MME: variants seen among roughly 807,000 people sequenced by gnomAD.
MME encodes the protein membrane metalloendopeptidase, also known as neprilysin.
A neutral mutation model predicts 113.2 loss-of-function variants in MME; 98 were observed. The observed-to-expected ratio is 0.87, with a 90% confidence interval of 0.74 to 1.02. MME has a LOEUF of 1.02. Among genes scored for constraint, MME ranks in the 50% least tolerant of loss-of-function variants. The pLI is 0.00. For synonymous variants in MME, 292 were observed against 300.6 expected, an observed-to-expected ratio of 0.97 and a Z score of 0.30; for missense variants, 836 against 896.0, an observed-to-expected ratio of 0.93 and a Z score of 0.86.
upstream of MME, among the ~76,000 whole-genome samples, chr3:155,076,722 G>A (rs12638611): frequency 9.9e-5 from 15 of 152,278 alleles, no homozygotes; most frequent in East Asian, 2.1e-3. Flanking sequence ...GCCAAACAAG[G>A]GGTAGATTAT....
chr3:155,173,268 T>G (rs185158106), intron 22 of MME, among the ~76,000 whole-genome samples: 1 of 152,070 alleles, frequency 6.6e-6, no homozygotes, highest in African/African-American at 2.4e-5. Context: ...TGCTACCCCT[T>G]TCCCATGTAC....
At chr3:155,101,332 A>G (rs1290267849) in intron 3 of MME, among the ~76,000 whole-genome samples, 1 of 152,236 alleles carries the variant, frequency 6.6e-6, no homozygotes, top group Non-Finnish European at 1.5e-5. Flanking sequence ...CTATGGTAAT[A>G]AAGTGAAAAC....
At chr3:155,144,267 T>C in intron 13 of MME, 92 bp from the exon 14 acceptor site, 1 of 846,868 alleles carries the variant, frequency 1.2e-6, no homozygotes, top group Non-Finnish European at 2.0e-6. Context: ...ACATATTAAG[T>C]CATACAAAGA....
intron 1 of MME, among the ~76,000 whole-genome samples, chr3:155,049,808 G>A (rs956655665): frequency 6.6e-6 from 1 of 152,000 alleles, no homozygotes; most frequent in African/African-American, 2.4e-5. Context: ...GACAGAAATT[G>A]TTTTTACCTT....
intron 10 of MME, among the ~76,000 whole-genome samples, chr3:155,140,728 C>T (rs546449338): frequency 6.6e-6 from 1 of 152,000 alleles, no homozygotes; most frequent in Non-Finnish European, 1.5e-5. Flanking sequence ...TTTAAGGCAG[C>T]TATACAATAA....
intron 1 of MME, among the ~76,000 whole-genome samples, chr3:155,067,854 T>G (rs79892339): frequency 0.014 from 2,080 of 152,190 alleles, 49 homozygotes; most frequent in South Asian, 0.053. Flanking sequence ...TACAACCACT[T>G]TGGAAAATAG....
intron 20 of MME, among the ~76,000 whole-genome samples, chr3:155,171,430 G>A (rs564367222): frequency 3.3e-5 from 5 of 152,202 alleles, no homozygotes; most frequent in East Asian, 1.9e-4. Flanking sequence ...ATCTCAGAAC[G>A]TTTATTATGA....
At chr3:155,167,669 T>G (rs937663173) in intron 18 of MME, among the ~76,000 whole-genome samples, 1 of 152,154 alleles carries the variant, frequency 6.6e-6, no homozygotes, top group African/African-American at 2.4e-5. Context: ...TTAATCCCCA[T>G]TTTAGAGAGC....
At chr3:155,095,554 AT>A (rs374278610) in intron 3 of MME, among the ~76,000 whole-genome samples, 7 of 151,404 alleles carry the variant, frequency 4.6e-5, no homozygotes, top group Non-Finnish European at 1.0e-4. Flanking sequence ...TTTATTTTTT[AT>A]TTTTTTTAGA....
At chr3:155,109,045 G>T (rs1717941556) in intron 3 of MME, among the ~76,000 whole-genome samples, 1 of 152,164 alleles carries the variant, frequency 6.6e-6, no homozygotes, top group Admixed American at 6.5e-5. Flanking sequence ...GGAATGCTGT[G>T]CCTCAAGTTT....
Position 155,138,185 on chromosome 3 carries a change from G to A in MME, c.804G>A (p.Gln268=). The part of the protein sequence containing the change: ...QEERLPIDEN[Q]LALEMNKVME... ...AAAGATTGCCCATCGATGAAAACCA[G>A]CTTGCTTTGGAAATGAATAAAGTTA... Residue 268 remains glutamine, a synonymous_variant, in exon 9 of 23, where the codon CAG becomes CAA. Transcript: ENST00000360490. The A allele has an allele frequency of 6.8e-6, 11 of 1,613,650 alleles. No individual in the cohort carries two copies. The highest frequency in any genetic ancestry group is 9.3e-6 in the Non-Finnish European group (11 of 1,179,756).
intron 16 of MME, among the ~76,000 whole-genome samples, chr3:155,150,539 A>G (rs574281240): frequency 7.9e-5 from 12 of 152,190 alleles, no homozygotes; most frequent in African/African-American, 2.2e-4. Flanking sequence ...TTTCTTTCCT[A>G]TAGTCTGCCT....
chr3:155,061,234 C>A (rs948965195), intron 1 of MME, among the ~76,000 whole-genome samples: 1 of 152,076 alleles, frequency 6.6e-6, no homozygotes, highest in African/African-American at 2.4e-5. Flanking sequence ...GGGCAGATCA[C>A]GAGGTCTGGA....
At position 155,057,491 on chromosome 3, in the gene MME, G is replaced by A. The variant is rs543247366; in HGVS notation, c.-10-26667G>A. ...TGGAGAAATAGCATCCTTTATACTA[G>A]ATCTCTAAACAGTTTTAAAGATCAA... On this transcript the variant is annotated intron_variant, in intron 1 of 22. Transcript: ENST00000492661. Among the ~76,000 whole-genome samples, 34 of 151,940 alleles carry A rather than the reference G, an allele frequency of 2.2e-4. 1 individual carries two copies. The highest frequency in any genetic ancestry group is 3.8e-4 in the Non-Finnish European group (26 of 68,002).
rs1001741495 is a variant in MME, at chr3:155,116,666, G to A, written c.442G>A (p.Ala148Thr). The change falls in exon 6 of 23, where the codon GCT becomes ACT. Residue 148 changes from alanine to threonine, a missense_variant and splice_region_variant. Transcript: ENST00000360490. ...ALYRSCINES[A>T]IDSRGGEPLL... The stretch of plus-strand genomic sequence containing the variant: ...TTTATGTTTGTTGTTTCCAAAAGCT[G>A]CTATTGATAGCAGAGGTGGAGAACC... 6.2e-7 allele frequency: 1 copy of A among 1,611,030 alleles called. No individual in the cohort carries two copies. Among genetic ancestry groups the A allele is most frequent in the African/African-American group, 1.3e-5 (1 of 74,676 alleles).
chr3:155,105,662 C>T (rs1175668537), intron 3 of MME, among the ~76,000 whole-genome samples: 1 of 152,142 alleles, frequency 6.6e-6, no homozygotes, highest in Admixed American at 6.5e-5. Context: ...TATCCTTTGC[C>T]AACTATGTGA....
chr3:155,044,990 G>A (rs1713502291), intron 1 of MME, among the ~76,000 whole-genome samples: 1 of 150,506 alleles, frequency 6.6e-6, no homozygotes, highest in Admixed American at 6.6e-5. Flanking sequence ...GCTCAAATAT[G>A]TAGTTGAAAG....
At chr3:155,057,763 C>A (rs1359314287) in intron 1 of MME, among the ~76,000 whole-genome samples, 2 of 150,038 alleles carry the variant, frequency 1.3e-5, no homozygotes, top group African/African-American at 2.5e-5. Flanking sequence ...GAATGGAGAT[C>A]AGCGACATTT....
Position 155,160,326 on chromosome 3 carries a change from T to A in MME, c.1602-64T>A. On this transcript the variant is annotated intron_variant, in intron 16 of 22. Transcript: ENST00000360490. ...CTAGGAATGGTAATAATGCTTTAAT[T>A]GTGTGAGTGGGTTGAATCAGATAAT... The A allele has an allele frequency of 2.8e-6, 3 of 1,061,180 alleles. No individual in the cohort carries two copies. The East Asian group carries it at 7.1e-5, about 25-fold the overall frequency. 65.7% of individuals were successfully genotyped at this position (1,061,180 alleles called of 1,614,324 possible).
Sources: allele counts gnomAD v4.1 joint callset (sites outside exome capture counted in the v4.1 genomes callset), GRCh38; gene constraint gnomAD v4.1.1; transcripts MANE v1.5; gene names NCBI Gene and HGNC (gene_info 2026-07-23, HGNC 2026-07-21).